The following SMG6 variants were observed in gnomAD, a reference collection of about 807,000 sequenced individuals.
SMG6 encodes the protein telomerase-binding protein EST1A.
A neutral mutation model predicts 142.2 loss-of-function variants in SMG6; 66 were observed. That is an observed-to-expected ratio of 0.46 (90% CI 0.38 to 0.57). The LOEUF (loss-of-function observed/expected upper bound fraction) is 0.57, where lower values mean the gene tolerates loss of function less well. Ranked by LOEUF, SMG6 falls within the 20% of genes least tolerant of loss-of-function variation. The pLI, the probability that SMG6 is intolerant of heterozygous loss-of-function variation, is 0.00. For synonymous variants in SMG6, 779 were observed against 702.4 expected, an observed-to-expected ratio of 1.11 and a Z score of -1.72; for missense variants, 1,793 against 1,832.0, an observed-to-expected ratio of 0.98 and a Z score of 0.39.
In SMG6 at chr17:2,171,727, T is replaced by G. The variant is rs559303004; in HGVS notation, c.3357+931A>C. 1.4e-4 allele frequency among the ~76,000 whole-genome samples: 21 copies of G among 147,750 alleles called. No individual in the cohort carries two copies. In the South Asian group the frequency reaches 4.3e-3, roughly 30 times the overall value. On this transcript the variant is annotated intron_variant, in intron 13 of 18. Transcript: ENST00000263073. ...CATATTTGTGGCTCATGTTTGGAATTTTTACTTTTTTTTTTTTTTTTTAAC... is the reference window on the plus strand; with the variant it reads ...CATATTTGTGGCTCATGTTTGGAATGTTTACTTTTTTTTTTTTTTTTTAAC...
intron 13 of SMG6, among the ~76,000 whole-genome samples, chr17:2,120,535 C>A (rs985467665): frequency 2.6e-5 from 4 of 152,158 alleles, no homozygotes; most frequent in Non-Finnish European, 5.9e-5. Flanking sequence ...GCATAGACAA[C>A]ATAGCAATAC....
intron 8 of SMG6, among the ~76,000 whole-genome samples, chr17:2,277,324 G>T (rs938292762): frequency 6.6e-6 from 1 of 151,890 alleles, no homozygotes; most frequent in African/African-American, 2.4e-5. Flanking sequence ...CTGCCACCAT[G>T]CCCGGCTAAC....
chr17:2,164,940 GA>G (rs111948381), intron 13 of SMG6, among the ~76,000 whole-genome samples: 15,884 of 144,754 alleles, frequency 0.11, 1,085 homozygotes, highest in Non-Finnish European at 0.16. Flanking sequence ...CCATCTCAAG[GA>G]AAAAAAAAAA....
intron 13 of SMG6, among the ~76,000 whole-genome samples, chr17:2,130,618 C>T (rs547093133): frequency 6.6e-6 from 1 of 151,622 alleles, no homozygotes; most frequent in South Asian, 2.1e-4. Flanking sequence ...TAAAGTAAAA[C>T]TAAAACTTTT....
intron 14 of SMG6, among the ~76,000 whole-genome samples, chr17:2,082,589 G>A (rs1463094516): frequency 6.6e-6 from 1 of 152,212 alleles, no homozygotes; most frequent in Non-Finnish European, 1.5e-5. Flanking sequence ...GCCTGGGCAG[G>A]GTAGGAGGTG....
intron 13 of SMG6, among the ~76,000 whole-genome samples, chr17:2,169,978 G>C (rs58187837): frequency 0.34 from 51,546 of 151,916 alleles, 9,310 homozygotes; most frequent in African/African-American, 0.46. Context: ...CCTGCTGATG[G>C]ATTAGATATG....
chr17:2,205,364 C>CGTGA (rs1282778724), intron 10 of SMG6, among the ~76,000 whole-genome samples: 12 of 152,224 alleles, frequency 7.9e-5, no homozygotes, highest in African/African-American at 2.9e-4. Flanking sequence ...GGATTACAGG[C>CGTGA]GTGAGCCACC....
Position 2,225,196 on chromosome 17 carries a change from G to A in SMG6, c.2869+11296C>T, listed in dbSNP as rs186174120. 3.3e-5 allele frequency among the ~76,000 whole-genome samples: 5 copies of A among 152,116 alleles called. No homozygotes were observed. In the East Asian group the frequency reaches 7.7e-4, roughly 24 times the overall value. ...AACAGTAAATATACAGGTGAGTTAA[G>A]GCCAGGCGCAGTGGCTCACACCTGT... On this transcript the variant is annotated intron_variant, in intron 10 of 18. Transcript: ENST00000263073.
chr17:2,088,350 C>G, intron 13 of SMG6: 1 of 985,364 alleles, frequency 1.0e-6, no homozygotes. Flanking sequence ...CATCCTGAGG[C>G]CACCTGCAGC....
At chr17:2,104,098 C>T (rs1223151160) in intron 13 of SMG6, among the ~76,000 whole-genome samples, 2 of 151,908 alleles carry the variant, frequency 1.3e-5, no homozygotes. Flanking sequence ...ACTACAGGCG[C>T]CCACCACCTC....
rs558929974 is a variant in SMG6, at chr17:2,200,695, C to A, written c.2870-12180G>T. Among the ~76,000 whole-genome samples the A allele has an allele frequency of 1.3e-3, 203 of 152,156 alleles. 2 individuals carry two copies. The highest frequency in any genetic ancestry group is 2.1e-3 in the Non-Finnish European group (142 of 68,014). ...ATATATACAAACAGACACACATACACACAATTTAATTTAATTTTATTTATT... is the reference window on the plus strand; with the variant it reads ...ATATATACAAACAGACACACATACAAACAATTTAATTTAATTTTATTTATT... On this transcript the variant is annotated intron_variant, in intron 10 of 18. Transcript: ENST00000263073.
Position 2,303,717 on chromosome 17 carries a change from C to T in SMG6, c.4G>A (p.Ala2Thr), listed in dbSNP as rs1230614144. The change falls in exon 1 of 19, where the codon GCG becomes ACG. Residue 2 changes from alanine to threonine, a missense_variant. By Grantham distance (58) the Ala-to-Thr change is moderately conservative. Around this residue, in one of 3 missense-constraint regions of SMG6, gnomAD observed 1,597 missense variants for 1,584.6 expected, o/e 1.01. Transcript: ENST00000263073. ...ATCCGCACACGCTCCAGCCCTTCCG[C>T]CATCTTCGCGGCTGCTGCTACAGCC... is the stretch of plus-strand genomic sequence containing the variant. The part of the protein sequence containing the change: M[A>T]EGLERVRISA... The T allele has an allele frequency of 1.3e-6, 2 of 1,492,424 alleles. No homozygotes were observed. Among genetic ancestry groups the T allele is most frequent in the Non-Finnish European group, 1.8e-6 (2 of 1,127,436 alleles). 92.4% of individuals were successfully genotyped at this position (1,492,424 alleles called of 1,614,324 possible).
chr17:2,150,306 C>T (rs1404818191), intron 13 of SMG6, among the ~76,000 whole-genome samples: 3 of 152,214 alleles, frequency 2.0e-5, no homozygotes, highest in African/African-American at 7.2e-5. Context: ...ACTGCTAACC[C>T]TGTCTGTGGA....
At chr17:2,121,634 T>TA (rs2069702729) in intron 13 of SMG6, among the ~76,000 whole-genome samples, 3 of 69,042 alleles carry the variant, frequency 4.3e-5, no homozygotes, top group East Asian at 3.0e-4. Context: ...TGTGTGTGTG[T>TA]GTGTGTGTGT....
rs550248668 is a variant in SMG6, at chr17:2,077,378, G to A, written c.3681+4432C>T. ...AGAGGCAGACGGATTCCTCCTGGGG[G>A]AGACCAGGGGGGGCTTCACTGGGGA... On this transcript the variant is annotated intron_variant, in intron 15 of 18. Coordinates refer to ENST00000263073, the MANE Select transcript of SMG6 (RefSeq NM_017575.5). 4.6e-5 allele frequency among the ~76,000 whole-genome samples: 7 copies of A among 152,218 alleles called. No individual in the cohort carries two copies. The South Asian group carries it at 1.4e-3, about 32-fold the overall frequency.
intron 16 of SMG6, chr17:2,065,912 T>G (rs1414844473): frequency 7.0e-6 from 4 of 573,008 alleles, no homozygotes; most frequent in Non-Finnish European, 1.2e-5. Context: ...TGCCCTCCTC[T>G]TGGGAGGAAC....
rs753965049 is a variant in SMG6 at position 2,150,262 on chromosome 17, T to C, written c.3357+22396A>G. 3.9e-5 allele frequency among the ~76,000 whole-genome samples: 6 copies of C among 152,234 alleles called. No homozygotes were observed. The South Asian group carries it at 8.3e-4, about 21-fold the overall frequency. ...TGAGAACCTAACTAATGCTGGATGA[T>C]GGCAAGTGGAACAGTTTCATCCTGA... On this transcript the variant is annotated intron_variant, in intron 13 of 18. Transcript: ENST00000263073.
rs2067765216 is a variant in SMG6, at chr17:2,061,223, G to A, written c.*269C>T. 3 of 405,810 alleles carry A rather than the reference G, an allele frequency of 7.4e-6. No homozygotes were observed. The highest frequency in any genetic ancestry group is 5.4e-5 in the South Asian group (2 of 37,140). 25.1% of individuals were successfully genotyped at this position (405,810 alleles called of 1,614,324 possible). ...GCTGAGAGCATGGGCGGCCTATCTG[G>A]CTTGCCCAGCTGCTGTTGCTGTAGC... is the stretch of plus-strand genomic sequence containing the variant. On this transcript the variant is annotated 3_prime_UTR_variant, in exon 19 of 19. Transcript: ENST00000263073.
At chr17:2,197,175 C>A (rs2072356151) in intron 10 of SMG6, among the ~76,000 whole-genome samples, 1 of 152,040 alleles carries the variant, frequency 6.6e-6, no homozygotes, top group South Asian at 2.1e-4. Context: ...TGCAAAAGAC[C>A]CTGTAAAAAG....
Sources: gnomAD v4.1 joint callset for allele counts (sites outside exome capture counted in the v4.1 genomes callset) on GRCh38, gnomAD v4.1.1 for gene constraint, gnomAD v4.1.1 regional missense constraint, MANE v1.5 for transcripts, NCBI Gene and HGNC (gene_info 2026-07-23, HGNC 2026-07-21) for gene names.